Variants in ARPP21 observed in about 807,000 individuals in gnomAD.
The protein encoded by ARPP21 is cAMP regulated phosphoprotein 21.
In ARPP21, 69 loss-of-function variants were observed where a neutral mutation model predicts 113.2. The ratio of observed to expected loss-of-function variants is 0.61; its 90% CI spans 0.50 to 0.74. The LOEUF (loss-of-function observed/expected upper bound fraction) is 0.74. ARPP21 is among the 30% of genes least tolerant of loss of function. The pLI, the probability that ARPP21 is intolerant of heterozygous loss-of-function variation, is 0.00. For synonymous variants in ARPP21, 368 were observed against 375.5 expected (o/e 0.98, Z 0.23); for missense variants, 1,070 against 1,037.4 (o/e 1.03, Z -0.43).
intron 19 of ARPP21, among the ~76,000 whole-genome samples, chr3:35,757,512 G>A (rs913378452): frequency 1.8e-4 from 27 of 152,136 alleles, no homozygotes; most frequent in Admixed American, 3.9e-4. Flanking sequence ...AAATAAATCC[G>A]AGAAAAAAGC....
At chr3:35,705,422 C>T (rs1421897886) in intron 9 of ARPP21, among the ~76,000 whole-genome samples, 1 of 152,116 alleles carries the variant, frequency 6.6e-6, no homozygotes, top group Non-Finnish European at 1.5e-5. Flanking sequence ...CTTTAGAATA[C>T]TAATTTTAAT....
At chr3:35,785,608 G>A (rs1464731981) in intron 19 of ARPP21, among the ~76,000 whole-genome samples, 1 of 152,148 alleles carries the variant, frequency 6.6e-6, no homozygotes, top group East Asian at 1.9e-4. Flanking sequence ...CCCTGAGCCT[G>A]CAGTAATAGG....
intron 1 of ARPP21, among the ~76,000 whole-genome samples, chr3:35,661,043 C>T (rs1707550088): frequency 6.6e-6 from 1 of 152,106 alleles, no homozygotes; most frequent in African/African-American, 2.4e-5. Context: ...CAATTTTTAG[C>T]AGACTTTTTT....
chr3:35,741,179 A>G (rs1364219407), intron 18 of ARPP21, among the ~76,000 whole-genome samples: 1 of 152,246 alleles, frequency 6.6e-6, no homozygotes, highest in African/African-American at 2.4e-5. Flanking sequence ...GAATTTCAAT[A>G]TTAATCCACT....
Position 35,738,324 on chromosome 3 carries a change from G to A in ARPP21, c.1749+6G>A. The A allele has an allele frequency of 6.6e-7, 1 of 1,514,004 alleles. No homozygotes were observed. Among genetic ancestry groups the A allele is most frequent in the South Asian group, 1.2e-5 (1 of 83,524 alleles). The allele number at this position is 1,514,004 out of a possible 1,614,324, so 93.8% of individuals were successfully genotyped here. A position where few individuals can be genotyped will look rare whatever the true frequency, so the allele number is the denominator to read the frequency against. On this transcript the variant is annotated splice_donor_region_variant and intron_variant, in intron 17 of 20. Coordinates refer to ENST00000684406, the MANE Select transcript of ARPP21 (RefSeq NM_001385562.1). The stretch of plus-strand genomic sequence containing the variant: ...CAACGCAGCACTTTCCCATGGTACT[G>A]TATTATGTGTATATGACTTTTTCCC...
intron 1 of ARPP21, among the ~76,000 whole-genome samples, chr3:35,670,874 T>C (rs1189281771): frequency 6.6e-6 from 1 of 152,188 alleles, no homozygotes; most frequent in African/African-American, 2.4e-5. Flanking sequence ...AGTTGGAAGA[T>C]ACACTGGCCT....
intron 18 of ARPP21, among the ~76,000 whole-genome samples, chr3:35,740,526 A>C (rs2094590353): frequency 6.6e-6 from 1 of 152,216 alleles, no homozygotes; most frequent in African/African-American, 2.4e-5. Flanking sequence ...ATTTTGAGTG[A>C]TTAATTAATA....
At chr3:35,754,513 T>A (rs1475582226) in intron 19 of ARPP21, among the ~76,000 whole-genome samples, 3 of 151,966 alleles carry the variant, frequency 2.0e-5, no homozygotes, top group Non-Finnish European at 4.4e-5. Context: ...TTGAAAAAAG[T>A]TTCTATGGAA....
chr3:35,659,092 T>A (rs374835653), intron 1 of ARPP21, among the ~76,000 whole-genome samples: 2 of 152,206 alleles, frequency 1.3e-5, no homozygotes, highest in Non-Finnish European at 2.9e-5. Flanking sequence ...CTGACTTTGA[T>A]AATCAAGACA....
At chr3:35,696,310 C>T (rs981779997) in intron 9 of ARPP21, among the ~76,000 whole-genome samples, 4 of 151,542 alleles carry the variant, frequency 2.6e-5, no homozygotes, top group Non-Finnish European at 4.4e-5. Flanking sequence ...GGTACTGTCA[C>T]CTGAGCAAAC....
chr3:35,657,438 CTG>C (rs1254613053), intron 1 of ARPP21, among the ~76,000 whole-genome samples: 1 of 152,110 alleles, frequency 6.6e-6, no homozygotes, highest in Non-Finnish European at 1.5e-5. Context: ...CAATAAACAT[CTG>C]TTGAAAAAAT....
chr3:35,714,090 A>G (rs1347781785), intron 11 of ARPP21, among the ~76,000 whole-genome samples: 1 of 152,214 alleles, frequency 6.6e-6, no homozygotes, highest in Non-Finnish European at 1.5e-5. Flanking sequence ...TCCCTTTCAT[A>G]TATAAATGTC....
intron 9 of ARPP21, among the ~76,000 whole-genome samples, chr3:35,704,570 A>C (rs924342501): frequency 6.6e-6 from 1 of 151,906 alleles, no homozygotes; most frequent in African/African-American, 2.4e-5. Context: ...GGTCAATATA[A>C]ATTGAAACAT....
chr3:35,645,228 C>T (rs1460542523), intron 1 of ARPP21, among the ~76,000 whole-genome samples: 1 of 151,828 alleles, frequency 6.6e-6, no homozygotes, highest in Non-Finnish European at 1.5e-5. Flanking sequence ...TCACATTTCA[C>T]ACTACTTCAA....
intron 19 of ARPP21, among the ~76,000 whole-genome samples, chr3:35,764,633 G>A (rs1179580990): frequency 1.3e-5 from 2 of 152,122 alleles, no homozygotes; most frequent in African/African-American, 2.4e-5. Context: ...ACCTTCTTAA[G>A]CATAGTTTTC....
At chr3:35,760,714 A>T (rs1256356377) in intron 19 of ARPP21, among the ~76,000 whole-genome samples, 16 of 152,072 alleles carry the variant, frequency 1.1e-4, no homozygotes. Flanking sequence ...GGCACTGTGG[A>T]TATTAGACTT....
At chr3:35,762,575 A>G (rs996650472) in intron 19 of ARPP21, among the ~76,000 whole-genome samples, 4 of 152,058 alleles carry the variant, frequency 2.6e-5, no homozygotes, top group Non-Finnish European at 5.9e-5. Flanking sequence ...GGAAAGGAAA[A>G]CATTCGTGAC....
In ARPP21 at chr3:35,718,871, G is replaced by T. The variant is rs573421231; in HGVS notation, c.995+1514G>T. ...ATATCTCATTACTATCATCTTCCTG[G>T]ATTCCAGTAGGTGATTCCAGTAGGA... On this transcript the variant is annotated intron_variant, in intron 13 of 20. Coordinates refer to ENST00000684406, the MANE Select transcript of ARPP21 (RefSeq NM_001385562.1). 1.0e-4 allele frequency among the ~76,000 whole-genome samples: 14 copies of T among 140,306 alleles called. No individual in the cohort carries two copies. The South Asian group carries it at 2.0e-3, about 20-fold the overall frequency. The allele number at this position is 140,306 out of a possible 152,430, so 92.0% of individuals were successfully genotyped here.
chr3:35,752,647 A>T (rs1312593535), intron 19 of ARPP21, among the ~76,000 whole-genome samples: 1 of 152,060 alleles, frequency 6.6e-6, no homozygotes, highest in African/African-American at 2.4e-5. Context: ...GTTAAAATGC[A>T]TTTCAGTGCA....
Sources: gnomAD v4.1 joint callset for allele counts (sites outside exome capture counted in the v4.1 genomes callset) on GRCh38, gnomAD v4.1.1 for gene constraint, MANE v1.5 for transcripts, NCBI Gene and HGNC (gene_info 2026-07-23, HGNC 2026-07-21) for gene names.